RRAGC: variants seen among roughly 807,000 people sequenced by gnomAD.
RRAGC encodes the protein Ras related GTP binding C, also known as ras-related GTP-binding protein C.
Under a neutral mutation model 37.1 loss-of-function variants are expected in RRAGC, and 8 were observed. The observed-to-expected ratio is 0.22, with a 90% CI of 0.13 to 0.39. The LOEUF (loss-of-function observed/expected upper bound fraction) is 0.39, where lower values mean the gene tolerates loss of function less well. Among genes scored for constraint, RRAGC ranks in the 10% least tolerant of loss-of-function variants. RRAGC has a pLI of 1.00. For missense variants in RRAGC, 342 were observed against 497.6 expected, an observed-to-expected ratio of 0.69 and a Z score of 2.98; for synonymous variants, 190 against 181.1, an observed-to-expected ratio of 1.05 and a Z score of -0.39.
rs776038485 is a variant in RRAGC at position 38,856,997 on chromosome 1, G to T, written c.323C>A (p.Ser108Tyr). The T allele has an allele frequency of 6.2e-7, 1 of 1,613,948 alleles. No individual in the cohort carries two copies. The highest frequency in any genetic ancestry group is 8.5e-7 in the Non-Finnish European group (1 of 1,179,930). Reference protein sequence around the residue: ...KIYKDDISNSSFVNFQIWDFP... With the variant: ...KIYKDDISNSYFVNFQIWDFP... Reference sequence around the variant, plus strand: ...ATCCCATATCTGGAAATTCACAAAGGAGCTATTGGAAATGTCATCCTTATA... The same window carrying T: ...ATCCCATATCTGGAAATTCACAAAGTAGCTATTGGAAATGTCATCCTTATA... Residue 108 changes from serine (S) to tyrosine (Y), a missense_variant, in exon 2 of 7, where the codon TCC (serine) becomes TAC (tyrosine). Physicochemically the swap from Ser to Tyr is moderately radical, Grantham distance 144. This residue lies in a region of RRAGC where 134 missense variants were observed against 277.2 expected (regional missense o/e 0.48). Transcript: ENST00000373001.
intron 6 of RRAGC, among the ~76,000 whole-genome samples, chr1:38,842,096 C>A (rs931006517): frequency 3.5e-4 from 53 of 152,278 alleles, no homozygotes; most frequent in Admixed American, 7.2e-4. Context: ...CACAGTGAAA[C>A]CCCTTCTGTA....
chr1:38,848,818 C>T (rs933350541), intron 5 of RRAGC, among the ~76,000 whole-genome samples: 2 of 151,644 alleles, frequency 1.3e-5, no homozygotes, highest in Non-Finnish European at 2.9e-5. Flanking sequence ...GACCCTGTCT[C>T]TACAAAAAAG....
intron 6 of RRAGC, among the ~76,000 whole-genome samples, chr1:38,840,016 C>T (rs920982010): frequency 6.6e-6 from 1 of 152,024 alleles, no homozygotes; most frequent in Admixed American, 6.6e-5. Context: ...GGCATGGTGG[C>T]GGGCACCTGT....
Position 38,839,721 on chromosome 1 carries a change from G to T in RRAGC, c.1049-17C>A. ...CTATTAAACCTGCAGGAAGGAAAAA[G>T]AAAAGAATGCCTCCTGAATTGTCAA... On this transcript the variant is annotated splice_polypyrimidine_tract_variant and intron_variant, in intron 6 of 6. Transcript: ENST00000373001. 6 of 1,612,016 alleles carry T rather than the reference G, an allele frequency of 3.7e-6. No individual in the cohort carries two copies. The highest frequency in any genetic ancestry group is 4.5e-5 in the East Asian group (2 of 44,864).
Position 38,845,980 on chromosome 1 carries a change from G to T in RRAGC, c.1007C>A (p.Ala336Glu). The change falls in exon 6 of 7, where the codon GCA becomes GAA. Residue 336 changes from alanine (A) to glutamate (E), a missense_variant. Coordinates refer to ENST00000373001, the MANE Select transcript of RRAGC (RefSeq NM_022157.4). ...LYLKEVTKFLALVCILREESF... is the reference protein window; with the variant it reads ...LYLKEVTKFLELVCILREESF... The stretch of plus-strand genomic sequence containing the variant: ...TTCTTCCCTTAGAATGCAGACCAGT[G>T]CCAAAAATTTAGTCACCTCCTTTAA... 1 of 1,613,180 alleles carries T rather than the reference G, an allele frequency of 6.2e-7. No homozygotes were observed. Among genetic ancestry groups the T allele is most frequent in the South Asian group, 1.1e-5 (1 of 90,888 alleles).
In RRAGC at chr1:38,858,247, G is replaced by GA. The variant is rs200170194; in HGVS notation, c.237+1162dup. On this transcript the variant is annotated intron_variant, in intron 1 of 6. Coordinates refer to ENST00000373001, the MANE Select transcript of RRAGC (RefSeq NM_022157.4). Reference sequence around the variant, plus strand: ...CTACAAAATATCACAGATTCAGAAAGAAAAAAAAATCACAGATTTATTTTG... The same window carrying GA: ...CTACAAAATATCACAGATTCAGAAAGAAAAAAAAAATCACAGATTTATTTTG... Among the ~76,000 whole-genome samples the GA allele has an allele frequency of 2.7e-3, 404 of 151,568 alleles. 2 individuals carry two copies. The highest frequency in any genetic ancestry group is 0.011 in the East Asian group (57 of 5,158).
chr1:38,853,871 G>A (rs540325333), intron 3 of RRAGC, among the ~76,000 whole-genome samples: 1 of 152,206 alleles, frequency 6.6e-6, no homozygotes, highest in East Asian at 1.9e-4. Context: ...TAGATACTAG[G>A]GAGAAAGGAA....
intron 1 of RRAGC, among the ~76,000 whole-genome samples, chr1:38,858,984 T>C (rs1642200707): frequency 6.6e-6 from 1 of 152,260 alleles, no homozygotes; most frequent in African/African-American, 2.4e-5. Context: ...TTCCTGACGC[T>C]GCTCCCTGGG....
chr1:38,840,181 C>CATA (rs1415379982), intron 6 of RRAGC, among the ~76,000 whole-genome samples: 1 of 150,764 alleles, frequency 6.6e-6, no homozygotes, highest in Non-Finnish European at 1.5e-5. Flanking sequence ...AGCTGGTCAT[C>CATA]ATATATATCC....
chr1:38,846,107 T>C lies in RRAGC; in HGVS notation c.900-20A>G. The C allele has an allele frequency of 6.3e-7, 1 of 1,592,164 alleles. No homozygotes were observed. The highest frequency in any genetic ancestry group is 8.6e-7 in the Non-Finnish European group (1 of 1,167,728). The stretch of plus-strand genomic sequence containing the variant: ...TTTAACCTATTTTAAAAGAAAGTAC[T>C]ATTCATTACAGGTTTCCCATCTAGG... On this transcript the variant is annotated intron_variant, in intron 5 of 6. Coordinates refer to ENST00000373001, the MANE Select transcript of RRAGC (RefSeq NM_022157.4).
chr1:38,841,234 A>G (rs557281962), intron 6 of RRAGC, among the ~76,000 whole-genome samples: 3 of 152,206 alleles, frequency 2.0e-5, no homozygotes, highest in African/African-American at 7.2e-5. Context: ...TTAATAATCT[A>G]TAATAACTGA....
At chr1:38,854,719 A>G (rs867879563) in intron 3 of RRAGC, among the ~76,000 whole-genome samples, 17 of 152,220 alleles carry the variant, frequency 1.1e-4, no homozygotes, top group Non-Finnish European at 2.4e-4. Context: ...CTAGAGGTCA[A>G]TGAGACTTTT....
Position 38,841,693 on chromosome 1 carries a change from T to C in RRAGC, c.1049-1989A>G, listed in dbSNP as rs571947036. 6.0e-5 allele frequency among the ~76,000 whole-genome samples: 9 copies of C among 151,092 alleles called. 1 individual carries two copies. The highest frequency in any genetic ancestry group is 2.2e-4 in the African/African-American group (9 of 41,170). On this transcript the variant is annotated intron_variant, in intron 6 of 6. Transcript: ENST00000373001. ...AAAAAAAATTTTTTTAAGATTAAAA[T>C]GGTTAGGAGCCAGGCACAAGTGATG...
intron 1 of RRAGC, among the ~76,000 whole-genome samples, chr1:38,859,132 G>A (rs1222535737): frequency 2.0e-5 from 3 of 152,254 alleles, no homozygotes; most frequent in East Asian, 3.9e-4. Context: ...ACAGGAGCTG[G>A]GTCCCAGGGG....
chr1:38,857,174 C>A, intron 1 of RRAGC, 92 bp from the exon 2 acceptor site: 1 of 1,064,628 alleles, frequency 9.4e-7, no homozygotes, highest in Non-Finnish European at 1.4e-6. Flanking sequence ...ACATTTGATC[C>A]CACAAAAAAA....
rs776038485 is a variant in RRAGC, at chr1:38,856,997, G to A, written c.323C>T (p.Ser108Phe). 1.9e-6 allele frequency: 3 copies of A among 1,613,830 alleles called. No homozygotes were observed. The highest frequency in any genetic ancestry group is 2.5e-6 in the Non-Finnish European group (3 of 1,179,938). Residue 108 changes from serine to phenylalanine, a missense_variant, in exon 2 of 7, where the codon TCC becomes TTC. Ser to Phe is a radical substitution (Grantham distance 155, BLOSUM62 -2). Around this residue, in one of 3 missense-constraint regions of RRAGC, gnomAD observed 134 missense variants for 277.2 expected, o/e 0.48. Coordinates refer to ENST00000373001, the MANE Select transcript of RRAGC (RefSeq NM_022157.4). ...ATCCCATATCTGGAAATTCACAAAG[G>A]AGCTATTGGAAATGTCATCCTTATA... ...KIYKDDISNS[S>F]FVNFQIWDFP...
At chr1:38,849,693 A>T (rs980874640) in intron 5 of RRAGC, among the ~76,000 whole-genome samples, 2 of 152,168 alleles carry the variant, frequency 1.3e-5, no homozygotes, top group African/African-American at 4.8e-5. Flanking sequence ...TGTCTCAAAA[A>T]AATAAATAAA....
At chr1:38,845,102 T>A (rs1290567100) in intron 6 of RRAGC, among the ~76,000 whole-genome samples, 1 of 152,238 alleles carries the variant, frequency 6.6e-6, no homozygotes, top group Non-Finnish European at 1.5e-5. Context: ...AAATACCATT[T>A]GACTCAGCAA....
chr1:38,840,948 T>C (rs1477808206), intron 6 of RRAGC, among the ~76,000 whole-genome samples: 1 of 152,258 alleles, frequency 6.6e-6, no homozygotes, highest in Non-Finnish European at 1.5e-5. Flanking sequence ...ACTGGCCAGA[T>C]ATTTGATATC....
Sources: gnomAD v4.1 joint callset for allele counts (sites outside exome capture counted in the v4.1 genomes callset) on GRCh38, gnomAD v4.1.1 for gene constraint, gnomAD v4.1.1 regional missense constraint, MANE v1.5 for transcripts, NCBI Gene and HGNC (gene_info 2026-07-23, HGNC 2026-07-21) for gene names.